The following STPG2 variants were observed in gnomAD, a reference collection of about 807,000 sequenced individuals.
STPG2 encodes the protein sperm tail PG-rich repeat containing 2, also known as sperm-tail PG-rich repeat-containing protein 2.
In STPG2, 56 loss-of-function variants were observed where a neutral mutation model predicts 54.2. That is an observed-to-expected ratio of 1.03 (90% CI 0.83 to 1.29). The LOEUF (loss-of-function observed/expected upper bound fraction) is 1.29. STPG2 is among the 50% of genes most tolerant of loss of function. The pLI is 0.00. For missense variants in STPG2, 596 were observed against 544.9 expected, an observed-to-expected ratio of 1.09 and a Z score of -0.93; for synonymous variants, 200 against 181.8, an observed-to-expected ratio of 1.10 and a Z score of -0.81.
At chr4:98,005,008 T>C (rs1408664119) in intron 5 of STPG2, among the ~76,000 whole-genome samples, 1 of 151,498 alleles carries the variant, frequency 6.6e-6, no homozygotes, top group African/African-American at 2.4e-5. Flanking sequence ...TGCAATCCCA[T>C]TTGCTTATTT....
At chr4:97,524,385 T>C (rs1180039778) in intron 4 of STPG2, among the ~76,000 whole-genome samples, 1 of 152,100 alleles carries the variant, frequency 6.6e-6, no homozygotes, top group Non-Finnish European at 1.5e-5. Flanking sequence ...CAAATATTTA[T>C]AGTGCTAAAT....
chr4:97,972,144 C>G (rs1734349095), intron 7 of STPG2, 136 bp downstream of exon 7: 1 of 515,326 alleles, frequency 1.9e-6, no homozygotes, highest in African/African-American at 2.0e-5. Context: ...ATTTCTCCTA[C>G]TTTCCTTAAC....
chr4:97,520,173 C>G (rs780610361), intron 4 of STPG2, among the ~76,000 whole-genome samples: 1 of 152,002 alleles, frequency 6.6e-6, no homozygotes, highest in African/African-American at 2.4e-5. Context: ...CAGTGAAAGA[C>G]AGTTGGTGGA....
intron 10 of STPG2, among the ~76,000 whole-genome samples, chr4:97,622,576 T>C (rs533021950): frequency 6.6e-6 from 1 of 152,066 alleles, no homozygotes; most frequent in East Asian, 1.9e-4. Context: ...GAAAGATCAG[T>C]ACAACAAGAA....
intron 5 of STPG2, among the ~76,000 whole-genome samples, chr4:98,018,512 T>A (rs573565887): frequency 1.3e-5 from 2 of 152,364 alleles, no homozygotes; most frequent in Non-Finnish European, 2.9e-5. Flanking sequence ...GCATGATTTA[T>A]AATCCTTTGG....
intron 4 of STPG2, among the ~76,000 whole-genome samples, chr4:97,479,513 T>C (rs533420950): frequency 1.3e-5 from 2 of 152,082 alleles, no homozygotes; most frequent in South Asian, 4.1e-4. Context: ...TAGTGGACTA[T>C]AAATGTCCTT....
At chr4:97,845,401 A>C (rs1197079580) in intron 8 of STPG2, among the ~76,000 whole-genome samples, 1 of 152,068 alleles carries the variant, frequency 6.6e-6, no homozygotes, top group Non-Finnish European at 1.5e-5. Flanking sequence ...ATTCTATTCG[A>C]TCTCTTAAGA....
At chr4:97,630,501 AT>A (rs1721239245) in intron 10 of STPG2, among the ~76,000 whole-genome samples, 1 of 151,896 alleles carries the variant, frequency 6.6e-6, no homozygotes, top group Admixed American at 6.6e-5. Context: ...TTCTTCTGAT[AT>A]TTATTGTTAA....
chr4:97,843,409 A>T (rs895153275), intron 8 of STPG2, among the ~76,000 whole-genome samples: 2 of 151,958 alleles, frequency 1.3e-5, no homozygotes, highest in African/African-American at 2.4e-5. Context: ...GCCCTACCCT[A>T]AAATAACATA....
chr4:97,567,545 A>C (rs747173876), intron 10 of STPG2, among the ~76,000 whole-genome samples: 6 of 151,614 alleles, frequency 4.0e-5, no homozygotes, highest in Non-Finnish European at 8.8e-5. Context: ...AGAGATTTGC[A>C]CAAGGCTATT....
At chr4:97,914,711 G>A (rs561095764) in intron 8 of STPG2, among the ~76,000 whole-genome samples, 19 of 152,162 alleles carry the variant, frequency 1.2e-4, no homozygotes, top group Admixed American at 3.3e-4. Context: ...TGGAATACTC[G>A]CATTATGCCA....
intron 5 of STPG2, among the ~76,000 whole-genome samples, chr4:98,037,782 T>C (rs928928226): frequency 2.0e-5 from 3 of 152,188 alleles, no homozygotes; most frequent in East Asian, 3.9e-4. Context: ...TAAATCAACA[T>C]TGTTCCTACA....
chr4:97,720,142 T>C (rs1022738126), intron 9 of STPG2, among the ~76,000 whole-genome samples: 2 of 152,010 alleles, frequency 1.3e-5, no homozygotes, highest in African/African-American at 4.8e-5. Context: ...TTTTAGCCTA[T>C]TATTTCTAGA....
At chr4:97,960,281 A>T (rs1733837210) in intron 7 of STPG2, among the ~76,000 whole-genome samples, 1 of 152,140 alleles carries the variant, frequency 6.6e-6, no homozygotes, top group Non-Finnish European at 1.5e-5. Context: ...CCCTCTGAGA[A>T]CTGGAACAAG....
At chr4:97,974,843 T>C (rs1734449940) in intron 6 of STPG2, among the ~76,000 whole-genome samples, 1 of 152,046 alleles carries the variant, frequency 6.6e-6, no homozygotes, top group South Asian at 2.1e-4. Context: ...CTAATACACT[T>C]GCCATATGAC....
chr4:98,014,402 C>T (rs528264215), intron 5 of STPG2, among the ~76,000 whole-genome samples: 28 of 152,174 alleles, frequency 1.8e-4, no homozygotes, highest in African/African-American at 6.5e-4. Flanking sequence ...CTTCCTTCCT[C>T]TTCATGGGTC....
At chr4:97,542,444 T>A (rs181015941) in intron 4 of STPG2, among the ~76,000 whole-genome samples, 1 of 152,138 alleles carries the variant, frequency 6.6e-6, no homozygotes, top group Admixed American at 6.5e-5. Context: ...CAGTTAGAAC[T>A]GCGATCATTA....
At chr4:97,847,842 C>A (rs1729003715) in intron 8 of STPG2, among the ~76,000 whole-genome samples, 2 of 152,184 alleles carry the variant, frequency 1.3e-5, no homozygotes, top group African/African-American at 4.8e-5. Flanking sequence ...GTTCACCTTT[C>A]TCTCGCATAT....
downstream of STPG2, among the ~76,000 whole-genome samples, chr4:97,555,178 C>G (rs1732049406): frequency 1.3e-5 from 2 of 152,158 alleles, no homozygotes; most frequent in African/African-American, 4.8e-5. Flanking sequence ...CCCCCATACC[C>G]TTCTTTCTTT....
Sources: gnomAD v4.1 joint callset for allele counts (sites outside exome capture counted in the v4.1 genomes callset) on GRCh38, gnomAD v4.1.1 for gene constraint, MANE v1.5 for transcripts, NCBI Gene and HGNC (gene_info 2026-07-23, HGNC 2026-07-21) for gene names.